ROBO1: variants seen among roughly 807,000 people sequenced by gnomAD.
ROBO1 encodes roundabout guidance receptor 1.
A neutral mutation model predicts 195.9 loss-of-function variants in ROBO1; 149 were observed. The ratio of observed to expected loss-of-function variants is 0.76; its 90% CI spans 0.67 to 0.87. ROBO1 has a LOEUF of 0.87. Among genes scored for constraint, ROBO1 ranks in the 40% least tolerant of loss-of-function variants. The probability of loss-of-function intolerance (pLI) is 0.00; values close to 1 mark genes in which losing one functional copy is unlikely to be tolerated. For synonymous variants in ROBO1, 816 were observed against 733.2 expected, an observed-to-expected ratio of 1.11 and a Z score of -1.82; for missense variants, 1,933 against 2,068.3, an observed-to-expected ratio of 0.93 and a Z score of 1.27.
intron 2 of ROBO1, among the ~76,000 whole-genome samples, chr3:79,523,008 G>T (rs1941272293): frequency 6.6e-6 from 1 of 152,086 alleles, no homozygotes; most frequent in South Asian, 2.1e-4. Flanking sequence ...CATGTTAAAG[G>T]TCTGTGTCAA....
chr3:78,960,772 G>A (rs867191897), intron 3 of ROBO1, among the ~76,000 whole-genome samples: 49 of 131,874 alleles, frequency 3.7e-4, no homozygotes, highest in Non-Finnish European at 6.6e-4. Context: ...GCGAGACTCC[G>A]TATTAAAACA....
intron 1 of ROBO1, among the ~76,000 whole-genome samples, chr3:79,657,915 C>G (rs886489622): frequency 6.6e-6 from 1 of 151,910 alleles, no homozygotes; most frequent in Non-Finnish European, 1.5e-5. Context: ...CTCTCTATGA[C>G]TTGAGGGAAT....
intron 2 of ROBO1, among the ~76,000 whole-genome samples, chr3:79,194,079 T>C (rs1450670625): frequency 6.6e-6 from 1 of 151,684 alleles, no homozygotes; most frequent in African/African-American, 2.4e-5. Context: ...AATAAATACG[T>C]AGAGTGGATC....
chr3:78,866,589 T>C (rs2035196953), intron 4 of ROBO1, among the ~76,000 whole-genome samples: 1 of 152,176 alleles, frequency 6.6e-6, no homozygotes, highest in Non-Finnish European at 1.5e-5. Flanking sequence ...AGAGATATAT[T>C]TTGTAATAAT....
intron 2 of ROBO1, among the ~76,000 whole-genome samples, chr3:79,254,682 T>C (rs1236876722): frequency 2.0e-5 from 3 of 152,174 alleles, no homozygotes; most frequent in African/African-American, 4.8e-5. Context: ...AAAGAAGACC[T>C]GAATCTGAAA....
At chr3:79,196,496 G>C (rs142049333) in intron 2 of ROBO1, among the ~76,000 whole-genome samples, 3 of 151,782 alleles carry the variant, frequency 2.0e-5, no homozygotes, top group African/African-American at 7.2e-5. Context: ...AATTAGTGCA[G>C]CTAACTATAT....
intron 2 of ROBO1, among the ~76,000 whole-genome samples, chr3:79,228,969 TAAC>T (rs2082273753): frequency 6.6e-6 from 1 of 152,148 alleles, no homozygotes; most frequent in Admixed American, 6.5e-5. Context: ...TAAAGTATTT[TAAC>T]AACAGTAAAG....
At chr3:79,463,931 A>T (rs943553770) in intron 2 of ROBO1, among the ~76,000 whole-genome samples, 1 of 152,144 alleles carries the variant, frequency 6.6e-6, no homozygotes, top group East Asian at 1.9e-4. Flanking sequence ...CTCATTGCTC[A>T]TTCACATCCT....
intron 4 of ROBO1, among the ~76,000 whole-genome samples, chr3:78,755,022 T>A (rs534314425): frequency 1.3e-5 from 2 of 152,184 alleles, no homozygotes; most frequent in African/African-American, 4.8e-5. Context: ...GGGACCAGAT[T>A]TGCTATGCAC....
At chr3:79,612,178 C>CT (rs1944680882) in intron 1 of ROBO1, among the ~76,000 whole-genome samples, 3 of 147,844 alleles carry the variant, frequency 2.0e-5, no homozygotes, top group African/African-American at 7.5e-5. Context: ...ATCCCTCCCC[C>CT]CTCCCACCAC....
At chr3:79,358,848 T>C (rs760213915) in intron 2 of ROBO1, among the ~76,000 whole-genome samples, 1 of 152,054 alleles carries the variant, frequency 6.6e-6, no homozygotes, top group South Asian at 2.1e-4. Flanking sequence ...CATTTTGCCA[T>C]TACAAGTCAC....
chr3:78,824,471 T>G (rs1312607112), intron 4 of ROBO1, among the ~76,000 whole-genome samples: 3 of 152,204 alleles, frequency 2.0e-5, no homozygotes, highest in Admixed American at 6.5e-5. Context: ...TTTTCCTCTT[T>G]TTGAACAAAA....
intron 2 of ROBO1, among the ~76,000 whole-genome samples, chr3:79,207,873 T>C (rs539003770): frequency 6.6e-6 from 1 of 152,218 alleles, no homozygotes; most frequent in South Asian, 2.1e-4. Flanking sequence ...TTTGATGTAC[T>C]TATGGCATTC....
chr3:79,241,764 A>G (rs1298782314), intron 2 of ROBO1, among the ~76,000 whole-genome samples: 1 of 150,974 alleles, frequency 6.6e-6, no homozygotes, highest in East Asian at 1.9e-4. Context: ...ATATTTATAT[A>G]TGTATTTTCC....
intron 3 of ROBO1, among the ~76,000 whole-genome samples, chr3:79,009,076 G>C (rs2077709364): frequency 1.3e-5 from 2 of 149,114 alleles, no homozygotes; most frequent in African/African-American, 4.9e-5. Flanking sequence ...GAGTAGCTGA[G>C]ATTACAGGTG....
intron 19 of ROBO1, 101 bp downstream of exon 19, chr3:78,651,631 A>T (rs2107619244): frequency 5.4e-6 from 5 of 925,386 alleles, no homozygotes; most frequent in East Asian, 2.9e-5. Flanking sequence ...TATTAAAACA[A>T]GTTTTAGAGG....
rs539335028 is a variant in ROBO1 at position 78,682,453 on chromosome 3, GTA to G, written c.1342+3291_1342+3292del. ...TATTTTGATATGACTGTGTGTATATGTATATATATGTATATATATGACTGTGT... is the reference window on the plus strand; with the variant it reads ...TATTTTGATATGACTGTGTGTATATGTATATATGTATATATATGACTGTGT... On this transcript the variant is annotated intron_variant, in intron 10 of 30. Transcript: ENST00000464233. Among the ~76,000 whole-genome samples, 294 of 144,498 alleles carry G rather than the reference GTA, an allele frequency of 2.0e-3. 2 individuals are homozygous for G. The highest frequency in any genetic ancestry group is 7.2e-3 in the African/African-American group (268 of 37,392). 94.8% of individuals were successfully genotyped at this position (144,498 alleles called of 152,430 possible). A position where few individuals can be genotyped will look rare whatever the true frequency, so the allele number is the denominator to read the frequency against.
At chr3:79,598,060 T>A (rs1180552638) in intron 1 of ROBO1, among the ~76,000 whole-genome samples, 1 of 151,810 alleles carries the variant, frequency 6.6e-6, no homozygotes, top group Non-Finnish European at 1.5e-5. Flanking sequence ...ATACAGAAAA[T>A]TTTAAACACA....
intron 2 of ROBO1, among the ~76,000 whole-genome samples, chr3:79,155,263 T>C (rs2080839193): frequency 6.6e-6 from 1 of 151,700 alleles, no homozygotes; most frequent in South Asian, 2.1e-4. Flanking sequence ...GCATGTTCTG[T>C]AGAGTATAGA....
Sources: allele counts gnomAD v4.1 joint callset (sites outside exome capture counted in the v4.1 genomes callset), GRCh38; gene constraint gnomAD v4.1.1; transcripts MANE v1.5; gene names NCBI Gene and HGNC (gene_info 2026-07-23, HGNC 2026-07-21).